PPP6R3: variants seen among roughly 807,000 people sequenced by gnomAD.
PPP6R3 encodes the protein protein phosphatase 6 regulatory subunit 3.
PPP6R3 carries 38 observed loss-of-function variants against 110.7 expected under a neutral mutation model. The observed-to-expected ratio is 0.34, with a 90% CI of 0.26 to 0.45. PPP6R3 has a LOEUF of 0.45. PPP6R3 is among the 20% of genes least tolerant of loss of function. PPP6R3 has a pLI of 1.00. For missense variants in PPP6R3, 870 were observed against 1,062.4 expected (o/e 0.82, Z 2.52); for synonymous variants, 369 against 373.5 (o/e 0.99, Z 0.14).
chr11:68,534,147 A>G (rs2099256823), intron 2 of PPP6R3, among the ~76,000 whole-genome samples: 1 of 152,116 alleles, frequency 6.6e-6, no homozygotes, highest in Non-Finnish European at 1.5e-5. Flanking sequence ...GGAAGGGGAG[A>G]GTAGAGACGG....
Position 68,612,997 on chromosome 11 carries a change from C to T in PPP6R3, c.2571-69C>T, listed in dbSNP as rs1241834687. The T allele has an allele frequency of 1.9e-6, 3 of 1,611,338 alleles. No individual in the cohort carries two copies. The Admixed American group carries it at 5.0e-5, about 27-fold the overall frequency. ...AAGTTGTCCCTGCCCTTGGGGAGCT[C>T]AGCTAAGTAGGTTTTGTTTTTCATA... On this transcript the variant is annotated intron_variant, in intron 23 of 23. Coordinates refer to ENST00000393800, the MANE Select transcript of PPP6R3 (RefSeq NM_001164161.2).
At chr11:68,500,577 A>C (rs2099043297) in intron 1 of PPP6R3, among the ~76,000 whole-genome samples, 2 of 152,216 alleles carry the variant, frequency 1.3e-5, no homozygotes, top group African/African-American at 4.8e-5. Context: ...ACCTGGGTTC[A>C]AGCAATTCTC....
At chr11:68,556,984 C>T (rs1451890533) in intron 7 of PPP6R3, among the ~76,000 whole-genome samples, 1 of 152,254 alleles carries the variant, frequency 6.6e-6, no homozygotes, top group Non-Finnish European at 1.5e-5. Context: ...TAGCCATCTT[C>T]AGGCATCTGT....
At chr11:68,609,468 A>G in intron 22 of PPP6R3, 3 of 956,076 alleles carry the variant, frequency 3.1e-6, no homozygotes, top group Non-Finnish European at 5.0e-6. Flanking sequence ...CATTCCTTCA[A>G]ACAGGTTCTT....
At position 68,567,038 on chromosome 11, in the gene PPP6R3, G is replaced by C. The variant is rs1363703327; in HGVS notation, c.1000G>C (p.Gly334Arg). The C allele has an allele frequency of 6.5e-7, 1 of 1,550,356 alleles. No individual in the cohort carries two copies. The highest frequency in any genetic ancestry group is 2.0e-5 in the Admixed American group (1 of 50,716). ...GAAAAGTGTGATGAAGACCACATGG[G>C]GTGTGCTGGATCCTCCTGTGGGGAA... Reference protein sequence around the residue: ...PKKSVMKTTWGVLDPPVGNTR... With the variant: ...PKKSVMKTTWRVLDPPVGNTR... Residue 334 changes from glycine (G) to arginine (R), a missense_variant, in exon 10 of 24, where the codon GGT (glycine) becomes CGT (arginine). Transcript: ENST00000393800.
chr11:68,461,168 C>T (rs549622393), intron 1 of PPP6R3, among the ~76,000 whole-genome samples: 1,731 of 150,872 alleles, frequency 0.011, 34 homozygotes, highest in African/African-American at 0.039. Context: ...TGGCTCCAGC[C>T]TTCCCGCCCG....
chr11:68,599,808 C>A (rs1208312597), intron 19 of PPP6R3, among the ~76,000 whole-genome samples: 2 of 152,140 alleles, frequency 1.3e-5, no homozygotes, highest in Non-Finnish European at 2.9e-5. Context: ...TGTAGTATTT[C>A]TTTTGGAACA....
intron 21 of PPP6R3, 107 bp from the exon 22 acceptor site, chr11:68,603,235 T>A: frequency 7.1e-7 from 1 of 1,417,440 alleles, no homozygotes; most frequent in Admixed American, 2.2e-5. Context: ...ACTCTTTTTT[T>A]TCTTCAAGCA....
At chr11:68,536,495 C>T (rs533235834) in intron 2 of PPP6R3, among the ~76,000 whole-genome samples, 2 of 152,116 alleles carry the variant, frequency 1.3e-5, no homozygotes, top group Non-Finnish European at 2.9e-5. Flanking sequence ...GAACTCCTGA[C>T]CTCAAGTGAT....
chr11:68,558,551 G>C lies in PPP6R3; in HGVS notation c.732-15G>C. 6.5e-7 allele frequency: 1 copy of C among 1,543,004 alleles called. No individual in the cohort carries two copies. Among genetic ancestry groups the C allele is most frequent in the African/African-American group, 1.4e-5 (1 of 73,090 alleles). ...AGTGATACTGCAGTTAGTGATTATT[G>C]ATTTGTTTCCCTAGGCAAGAAATTA... is the stretch of plus-strand genomic sequence containing the variant. On this transcript the variant is annotated splice_polypyrimidine_tract_variant and intron_variant, in intron 7 of 23. Transcript: ENST00000393800.
intron 22 of PPP6R3, chr11:68,609,676 T>G (rs1594144241): frequency 6.4e-7 from 1 of 1,568,406 alleles, no homozygotes; most frequent in Non-Finnish European, 8.7e-7. Context: ...CCAGCCACAT[T>G]ACATTGTCCC....
At position 68,478,312 on chromosome 11, in the gene PPP6R3, AT is replaced by A. The variant is rs376438737; in HGVS notation, c.-158+17488del. Among the ~76,000 whole-genome samples, 82 of 152,262 alleles carry A rather than the reference AT, an allele frequency of 5.4e-4. 2 individuals are homozygous for A. The South Asian group carries it at 0.016, about 30-fold the overall frequency. ...CACTTTGGCCTCCCAAAGTGTTGAG[AT>A]TTAGAGGTGTGAGCCCCGTTGCCCA... On this transcript the variant is annotated intron_variant, in intron 1 of 23. Coordinates refer to ENST00000393800, the MANE Select transcript of PPP6R3 (RefSeq NM_001164161.2).
chr11:68,478,378 A>G (rs1169230529), intron 1 of PPP6R3, among the ~76,000 whole-genome samples: 1 of 152,150 alleles, frequency 6.6e-6, no homozygotes, highest in African/African-American at 2.4e-5. Context: ...GACTTGCACA[A>G]TTTGTCATTC....
At chr11:68,572,258 C>T (rs2099510373) in intron 12 of PPP6R3, among the ~76,000 whole-genome samples, 1 of 152,170 alleles carries the variant, frequency 6.6e-6, no homozygotes, top group Admixed American at 6.5e-5. Context: ...CTTGCTGCCT[C>T]CTCATCTGGC....
chr11:68,511,527 C>A (rs2099110005), intron 1 of PPP6R3, among the ~76,000 whole-genome samples: 1 of 133,306 alleles, frequency 7.5e-6, no homozygotes, highest in African/African-American at 2.8e-5. Flanking sequence ...GTTGCCCAGG[C>A]TGGAGTGCAG....
chr11:68,463,283 C>T (rs1232378062), intron 1 of PPP6R3, among the ~76,000 whole-genome samples: 5 of 143,192 alleles, frequency 3.5e-5, no homozygotes, highest in African/African-American at 1.3e-4. Flanking sequence ...GCAGGAGAAT[C>T]GCTTAAACCT....
At chr11:68,555,296 A>G (rs2099394984) in intron 7 of PPP6R3, among the ~76,000 whole-genome samples, 1 of 152,214 alleles carries the variant, frequency 6.6e-6, no homozygotes, top group South Asian at 2.1e-4. Flanking sequence ...TAATTGTGAT[A>G]TTAATTAGGT....
chr11:68,613,013 G>GT (rs1444621421), intron 23 of PPP6R3, 53 bp from the exon 24 acceptor site: 1 of 1,613,674 alleles, frequency 6.2e-7, no homozygotes, highest in East Asian at 2.2e-5. Context: ...AGTAGGTTTT[G>GT]TTTTTCATAT....
At chr11:68,572,470 C>T (rs2099511233) in intron 12 of PPP6R3, among the ~76,000 whole-genome samples, 1 of 152,102 alleles carries the variant, frequency 6.6e-6, no homozygotes, top group South Asian at 2.1e-4. Context: ...TGAGGGTGTG[C>T]AGAAGAGTGA....
Sources: gnomAD v4.1 joint callset for allele counts (sites outside exome capture counted in the v4.1 genomes callset) on GRCh38, gnomAD v4.1.1 for gene constraint, MANE v1.5 for transcripts, NCBI Gene and HGNC (gene_info 2026-07-23, HGNC 2026-07-21) for gene names.